The following TNIK variants were observed in gnomAD, a reference collection of about 807,000 sequenced individuals.
TNIK encodes TRAF2 and NCK-interacting protein kinase.
In TNIK, 49 loss-of-function variants were observed where a neutral mutation model predicts 191.3. That is an observed-to-expected ratio of 0.26 (90% CI 0.20 to 0.32). The LOEUF is 0.32. TNIK is among the 10% of genes least tolerant of loss of function. The pLI is 1.00. For synonymous variants in TNIK, 594 were observed against 600.9 expected, an observed-to-expected ratio of 0.99 and a Z score of 0.17; for missense variants, 1,155 against 1,702.3, an observed-to-expected ratio of 0.68 and a Z score of 5.66.
chr3:171,347,048 C>T (rs1712322906), intron 2 of TNIK: 1 of 1,280,996 alleles, frequency 7.8e-7, no homozygotes, highest in Non-Finnish European at 1.1e-6. Flanking sequence ...ATGTGCAATG[C>T]CTGTGCTAGG....
chr3:171,323,703 A>AAG (rs1283462061), intron 2 of TNIK, among the ~76,000 whole-genome samples: 39 of 152,320 alleles, frequency 2.6e-4, no homozygotes, highest in African/African-American at 7.5e-4. Context: ...ATCAGATTGA[A>AAG]AATTCTTTAA....
intron 1 of TNIK, among the ~76,000 whole-genome samples, chr3:171,442,137 G>C (rs1441601434): frequency 6.6e-6 from 1 of 152,156 alleles, no homozygotes; most frequent in Non-Finnish European, 1.5e-5. Context: ...TCTCCACAGG[G>C]ACAAAATCCT....
At chr3:171,275,973 T>C (rs545092392) in intron 2 of TNIK, among the ~76,000 whole-genome samples, 3 of 151,366 alleles carry the variant, frequency 2.0e-5, no homozygotes, top group Admixed American at 6.6e-5. Context: ...TACAAAGGAA[T>C]AGGAATTAGA....
At chr3:171,169,992 A>G (rs879920226) in intron 9 of TNIK, among the ~76,000 whole-genome samples, 4 of 152,338 alleles carry the variant, frequency 2.6e-5, no homozygotes, top group Admixed American at 1.3e-4. Flanking sequence ...AGCATGACCA[A>G]AGAATCAATA....
At chr3:171,421,719 G>T (rs9871248) in intron 1 of TNIK, among the ~76,000 whole-genome samples, 1,701 of 135,678 alleles carry the variant, frequency 0.013, 37 homozygotes, top group African/African-American at 0.048. Context: ...CTGATTAGTT[G>T]TGTAATTTTT....
At chr3:171,451,093 T>C (rs2108728183) in intron 1 of TNIK, among the ~76,000 whole-genome samples, 1 of 152,348 alleles carries the variant, frequency 6.6e-6, no homozygotes, top group East Asian at 1.9e-4. Flanking sequence ...TGTTAGTTAA[T>C]ATTCTTGTGT....
At chr3:171,289,257 C>T (rs1751408422) in intron 2 of TNIK, among the ~76,000 whole-genome samples, 1 of 152,148 alleles carries the variant, frequency 6.6e-6, no homozygotes, top group South Asian at 2.1e-4. Context: ...CCTCTCTTGG[C>T]CTTTGAAAGA....
chr3:171,289,311 A>C (rs1751416088), intron 2 of TNIK, among the ~76,000 whole-genome samples: 1 of 152,244 alleles, frequency 6.6e-6, no homozygotes, highest in South Asian at 2.1e-4. Context: ...CTAAGATTCT[A>C]TCATACCTTT....
At chr3:171,318,411 C>A (rs775013028) in intron 2 of TNIK, among the ~76,000 whole-genome samples, 4 of 152,090 alleles carry the variant, frequency 2.6e-5, no homozygotes, top group Admixed American at 6.6e-5. Context: ...TCTTAAATTT[C>A]TGTTTAAAGA....
At position 171,079,617 on chromosome 3, in the gene TNIK, A is replaced by G; in HGVS notation, c.3349T>C (p.Trp1117Arg). ...KNKLRVYYLS[W>R]LRNRILHNDP... ...TTATGTAGTATTCTGTTTCTTAACC[A>G]TGAAAGATAGTAAACTCGTAGCTTA... is the stretch of plus-strand genomic sequence containing the variant. The change falls in exon 28 of 33, where the codon TGG becomes CGG. Residue 1117 changes from tryptophan to arginine, a missense_variant. Physicochemically the swap from Trp to Arg is moderately radical, Grantham distance 101. This residue lies in a region of TNIK where 195 missense variants were observed against 415.4 expected (regional missense o/e 0.47). Coordinates refer to ENST00000436636, the MANE Select transcript of TNIK (RefSeq NM_015028.4). 6.2e-7 allele frequency: 1 copy of G among 1,613,070 alleles called. No homozygotes were observed. Among genetic ancestry groups the G allele is most frequent in the Non-Finnish European group, 8.5e-7 (1 of 1,179,482 alleles).
At chr3:171,282,018 T>C (rs1002496166) in intron 2 of TNIK, among the ~76,000 whole-genome samples, 19 of 152,190 alleles carry the variant, frequency 1.2e-4, no homozygotes, top group African/African-American at 4.3e-4. Context: ...ATGGTAACTG[T>C]GATAATGTGA....
intron 8 of TNIK, among the ~76,000 whole-genome samples, chr3:171,176,198 G>A (rs1735936613): frequency 6.6e-6 from 1 of 152,110 alleles, no homozygotes; most frequent in Admixed American, 6.6e-5. Context: ...TATGGTTTAA[G>A]ACTGCAATAT....
chr3:171,460,345 T>C lies in TNIK; in HGVS notation c.-282A>G. 1 of 536,776 alleles carries C rather than the reference T, an allele frequency of 1.9e-6. No individual in the cohort carries two copies. Among genetic ancestry groups the C allele is most frequent in the Non-Finnish European group, 3.3e-6 (1 of 301,408 alleles). The allele number at this position is 536,776 out of a possible 1,614,324, so 33.3% of individuals were successfully genotyped here. On this transcript the variant is annotated 5_prime_UTR_variant, in exon 1 of 33. Transcript: ENST00000436636. The surrounding 1 kb of genome is among the most constrained non-coding windows in gnomAD (Gnocchi z 6.8). ...GCTAAGGGCGCTGGGGCTGCGTGGG[T>C]GTATTTAAATGGGACATGCTTCTTT...
intron 2 of TNIK, among the ~76,000 whole-genome samples, chr3:171,338,659 G>GTTTTTTTTTTTTTTTTT (rs76315440): frequency 7.9e-6 from 1 of 126,818 alleles, no homozygotes. Flanking sequence ...CAGCTAAGTT[G>GTTTTTTTTTTTTTTTTT]TTTTTTTTTT....
intron 12 of TNIK, among the ~76,000 whole-genome samples, chr3:171,145,231 C>T (rs978569534): frequency 2.7e-4 from 41 of 152,138 alleles, no homozygotes; most frequent in African/African-American, 6.5e-4. Context: ...GGACTACAGG[C>T]GCCCGCCACC....
intron 2 of TNIK, among the ~76,000 whole-genome samples, chr3:171,330,433 C>A (rs1294184985): frequency 6.6e-6 from 1 of 152,180 alleles, no homozygotes; most frequent in Non-Finnish European, 1.5e-5. Flanking sequence ...GATAGCCAAC[C>A]AAATTGTCTC....
intron 2 of TNIK, among the ~76,000 whole-genome samples, chr3:171,317,312 C>A (rs1357451888): frequency 6.6e-6 from 1 of 152,098 alleles, no homozygotes; most frequent in African/African-American, 2.4e-5. Context: ...CCAGGAAGCA[C>A]CAGGGACTCC....
rs1308298576 is a variant in TNIK at position 171,364,061 on chromosome 3, T to C, written c.123+5559A>G. On this transcript the variant is annotated intron_variant, in intron 2 of 32. Coordinates refer to ENST00000436636, the MANE Select transcript of TNIK (RefSeq NM_015028.4). ...ATAACAGGATAACATACAATCATTT[T>C]TGCAGTTTCTGGAGGTGCGGTCCCA... 2.0e-5 allele frequency among the ~76,000 whole-genome samples: 3 copies of C among 152,230 alleles called. No homozygotes were observed. The East Asian group carries it at 5.8e-4, about 29-fold the overall frequency.
intron 2 of TNIK, among the ~76,000 whole-genome samples, chr3:171,288,667 G>A (rs1751328808): frequency 6.6e-6 from 1 of 152,038 alleles, no homozygotes; most frequent in Non-Finnish European, 1.5e-5. Flanking sequence ...AATTAGCCTG[G>A]TGTGGTGGTG....
Sources: gnomAD v4.1 joint callset for allele counts (sites outside exome capture counted in the v4.1 genomes callset) on GRCh38, gnomAD v4.1.1 for gene constraint, gnomAD v4.1.1 regional missense constraint, Gnocchi (gnomAD v3.1) non-coding constraint, MANE v1.5 for transcripts, NCBI Gene and HGNC (gene_info 2026-07-23, HGNC 2026-07-21) for gene names.